Variants in SRM observed in about 807,000 individuals in gnomAD.
SRM encodes spermidine synthase.
SRM carries 14 observed loss-of-function variants against 39.3 expected under a neutral mutation model. The observed-to-expected ratio is 0.36, with a 90% CI of 0.24 to 0.56. The LOEUF (loss-of-function observed/expected upper bound fraction) is 0.56, where lower values mean the gene tolerates loss of function less well. Ranked by LOEUF, SRM falls within the 20% of genes least tolerant of loss-of-function variation. The probability of loss-of-function intolerance (pLI) is 0.86; values close to 1 mark genes in which losing one functional copy is unlikely to be tolerated. For missense variants in SRM, 244 were observed against 409.2 expected (o/e 0.60, Z 3.48); for synonymous variants, 195 against 173.1 (o/e 1.13, Z -0.99).
chr1:11,059,286 T>G lies in SRM; in HGVS notation c.227A>C (p.Glu76Ala). The G allele has an allele frequency of 6.2e-7, 1 of 1,613,662 alleles. No individual in the cohort carries two copies. The highest frequency in any genetic ancestry group is 8.5e-7 in the Non-Finnish European group (1 of 1,179,980). The change falls in exon 2 of 8, where the codon GAG becomes GCG. Residue 76 changes from glutamate to alanine, a missense_variant. Transcript: ENST00000376957. Reference sequence around the variant, plus strand: ...GGCGATCATCTCCTGGTAGGAGAACTCGTCTCTCTCCGTGCACTGGATGAC... The same window carrying G: ...GGCGATCATCTCCTGGTAGGAGAACGCGTCTCTCTCCGTGCACTGGATGAC... ...DGVIQCTERD[E>A]FSYQEMIANL...
intron 4 of SRM, 137 bp from the exon 5 acceptor site, chr1:11,056,231 T>C (rs553386327): frequency 5.1e-4 from 426 of 833,412 alleles, no homozygotes; most frequent in Non-Finnish European, 7.1e-4. Context: ...AATCCCATTC[T>C]TGGGGGAGTC....
intron 3 of SRM, among the ~76,000 whole-genome samples, chr1:11,057,200 T>C (rs1257322011): frequency 6.6e-6 from 1 of 152,128 alleles, no homozygotes; most frequent in Non-Finnish European, 1.5e-5. Context: ...CGGGGAGAAC[T>C]CTGGTACCTC....
intron 3 of SRM, among the ~76,000 whole-genome samples, chr1:11,058,187 A>G (rs1158479526): frequency 1.3e-5 from 2 of 152,190 alleles, no homozygotes; most frequent in East Asian, 3.9e-4. Context: ...GCATGATTTT[A>G]GTGAGCAGCT....
chr1:11,055,751 A>G (rs1168185881), intron 6 of SRM, 30 bp downstream of exon 6: 1 of 803,384 alleles, frequency 1.2e-6, no homozygotes, highest in Admixed American at 2.6e-5. Context: ...CCTTCCCCCC[A>G]ACCCCCACCC....
At position 11,058,857 on chromosome 1, in the gene SRM, C is replaced by T. The variant is rs1432930244; in HGVS notation, c.324G>A (p.Leu108=). The T allele has an allele frequency of 1.2e-6, 2 of 1,611,778 alleles. No homozygotes were observed. Among genetic ancestry groups the T allele is most frequent in the Non-Finnish European group, 1.7e-6 (2 of 1,179,592 alleles). ...LIIGGGDGGV[L]REVVKHPSVE... Reference sequence around the variant, plus strand: ...CGGAGGGGTGCTTCACCACCTCCCGCAGGACACCTCCATCTCCGCCCCCGA... The same window carrying T: ...CGGAGGGGTGCTTCACCACCTCCCGTAGGACACCTCCATCTCCGCCCCCGA... Residue 108 remains leucine (L), a synonymous_variant, in exon 3 of 8, where the codon CTG becomes CTA. Coordinates refer to ENST00000376957, the MANE Select transcript of SRM (RefSeq NM_003132.3).
chr1:11,059,696 G>T, intron 1 of SRM, 81 bp downstream of exon 1: 1 of 1,453,158 alleles, frequency 6.9e-7, no homozygotes, highest in South Asian at 1.3e-5. Context: ...CTTGGGTCCC[G>T]GCGTGGAGAG....
intron 4 of SRM, 78 bp downstream of exon 4, chr1:11,056,525 CT>C: frequency 6.3e-7 from 1 of 1,576,912 alleles, no homozygotes; most frequent in Non-Finnish European, 8.6e-7. Flanking sequence ...CCGCTCTATC[CT>C]TTACTCTGAA....
chr1:11,055,120 CTTTT>C (rs376653450), intron 6 of SRM, 36 bp from the exon 7 acceptor site: 311 of 1,436,990 alleles, frequency 2.2e-4, no homozygotes, highest in Admixed American at 1.1e-3. Context: ...AGGGGGGGCA[CTTTT>C]TTTTTTTTTT....
chr1:11,057,459 ATTTT>A (rs1182428886), intron 3 of SRM, among the ~76,000 whole-genome samples: 1 of 118,732 alleles, frequency 8.4e-6, no homozygotes, highest in African/African-American at 3.0e-5. Flanking sequence ...AAGCTGGGCC[ATTTT>A]TTTTTTTTTT....
Position 11,054,712 on chromosome 1 carries a change from C to T in SRM, c.*153G>A. On this transcript the variant is annotated 3_prime_UTR_variant, in exon 8 of 8. Coordinates refer to ENST00000376957, the MANE Select transcript of SRM (RefSeq NM_003132.3). The surrounding 1 kb of genome is among the most constrained non-coding windows in gnomAD (Gnocchi z 4.8). ...GAGACAGACACACAGACAGTCCGCC[C>T]AGCAGGGCAGGCCGGGCAGCATTCT... 1 of 1,143,566 alleles carries T rather than the reference C, an allele frequency of 8.7e-7. No homozygotes were observed. Among genetic ancestry groups the T allele is most frequent in the South Asian group, 1.6e-5 (1 of 61,768 alleles). 70.8% of individuals were successfully genotyped at this position (1,143,566 alleles called of 1,614,324 possible). A position where few individuals can be genotyped will look rare whatever the true frequency, so the allele number is the denominator to read the frequency against.
chr1:11,054,785 G>T lies in SRM; in HGVS notation c.*80C>A. 1 of 1,516,652 alleles carries T rather than the reference G, an allele frequency of 6.6e-7. No individual in the cohort carries two copies. The allele number at this position is 1,516,652 out of a possible 1,614,324, so 93.9% of individuals were successfully genotyped here. ...TGGGCGAGAGCCAGCAGGAGGTCCGGCCCGGGGCTGGAGGGGCCGAGGCAC... is the reference window on the plus strand; with the variant it reads ...TGGGCGAGAGCCAGCAGGAGGTCCGTCCCGGGGCTGGAGGGGCCGAGGCAC... On this transcript the variant is annotated 3_prime_UTR_variant, in exon 8 of 8. Transcript: ENST00000376957. This position sits in a 1 kb window ranked among gnomAD's most constrained non-coding sequence, Gnocchi z 4.8.
In SRM at chr1:11,055,768, A is replaced by ACC; in HGVS notation, c.765+11_765+12dup. The ACC allele has an allele frequency of 8.3e-7, 1 of 1,202,568 alleles. No homozygotes were observed. Among genetic ancestry groups the ACC allele is most frequent in the Non-Finnish European group, 1.1e-6 (1 of 874,618 alleles). The allele number at this position is 1,202,568 out of a possible 1,614,324, so 74.5% of individuals were successfully genotyped here. A position where few individuals can be genotyped will look rare whatever the true frequency, so the allele number is the denominator to read the frequency against. On this transcript the variant is annotated intron_variant, in intron 6 of 7. Coordinates refer to ENST00000376957, the MANE Select transcript of SRM (RefSeq NM_003132.3). Reference sequence around the variant, plus strand: ...TTCCCCCCAACCCCCACCCCCAGACACCCCCATCTCACCGGGTTCTTGCTG... The same window carrying ACC: ...TTCCCCCCAACCCCCACCCCCAGACACCCCCCCATCTCACCGGGTTCTTGCTG...
Position 11,059,769 on chromosome 1 carries a change from G to T in SRM, c.167+8C>A. 1 of 1,577,940 alleles carries T rather than the reference G, an allele frequency of 6.3e-7. No homozygotes were observed. Among genetic ancestry groups the T allele is most frequent in the Non-Finnish European group, 8.5e-7 (1 of 1,171,544 alleles). ...TAGGGGGCAGGCGCCTGCGGGCAGC[G>T]GCGGTACCTGCGGAAGACGAGGATG... On this transcript the variant is annotated splice_region_variant and intron_variant, in intron 1 of 7. Coordinates refer to ENST00000376957, the MANE Select transcript of SRM (RefSeq NM_003132.3).
In SRM at chr1:11,054,818, GC is replaced by G; in HGVS notation, c.*46del. 6.4e-7 allele frequency: 1 copy of G among 1,561,642 alleles called. No homozygotes were observed. The highest frequency in any genetic ancestry group is 8.7e-7 in the Non-Finnish European group (1 of 1,152,536). On this transcript the variant is annotated 3_prime_UTR_variant, in exon 8 of 8. Coordinates refer to ENST00000376957, the MANE Select transcript of SRM (RefSeq NM_003132.3). This position sits in a 1 kb window ranked among gnomAD's most constrained non-coding sequence, Gnocchi z 4.8. ...CTGGAGGGGCCGAGGCACCCCGCAG[GC>G]TCCAAGGTCCGAGGTCCTGGGTGGC...
At chr1:11,058,060 T>C (rs1638910731) in intron 3 of SRM, among the ~76,000 whole-genome samples, 1 of 152,178 alleles carries the variant, frequency 6.6e-6, no homozygotes, top group African/African-American at 2.4e-5. Flanking sequence ...ATTACAGGTG[T>C]GAGCCACCAC....
At chr1:11,055,351 C>T (rs1638854421) in intron 6 of SRM, 5 of 404,946 alleles carry the variant, frequency 1.2e-5, no homozygotes, top group South Asian at 3.9e-5. Flanking sequence ...TCAAGTGATC[C>T]GCCCACCTTG....
intron 4 of SRM, among the ~76,000 whole-genome samples, chr1:11,056,305 C>T (rs148807883): frequency 0.011 from 1,625 of 152,272 alleles, 35 homozygotes; most frequent in African/African-American, 0.037. Context: ...AACCTGCCCC[C>T]ACTCCAGTGC....
chr1:11,054,728 G>T lies in SRM; in HGVS notation c.*137C>A. 2.3e-6 allele frequency: 3 copies of T among 1,279,216 alleles called. No individual in the cohort carries two copies. The highest frequency in any genetic ancestry group is 2.1e-6 in the Non-Finnish European group (2 of 948,904). The allele number at this position is 1,279,216 out of a possible 1,614,324, so 79.2% of individuals were successfully genotyped here. On this transcript the variant is annotated 3_prime_UTR_variant, in exon 8 of 8. Coordinates refer to ENST00000376957, the MANE Select transcript of SRM (RefSeq NM_003132.3). This position sits in a 1 kb window ranked among gnomAD's most constrained non-coding sequence, Gnocchi z 4.8. Reference sequence around the variant, plus strand: ...CAGTCCGCCCAGCAGGGCAGGCCGGGCAGCATTCTGGGGCTTGTAACACTT... The same window carrying T: ...CAGTCCGCCCAGCAGGGCAGGCCGGTCAGCATTCTGGGGCTTGTAACACTT...
At chr1:11,055,120 CT>C (rs376653450) in intron 6 of SRM, 36 bp from the exon 7 acceptor site, 204,576 of 1,278,590 alleles carry the variant, frequency 0.16, 1,104 homozygotes, top group East Asian at 0.25. Flanking sequence ...AGGGGGGGCA[CT>C]TTTTTTTTTT....
Sources: allele counts gnomAD v4.1 joint callset (sites outside exome capture counted in the v4.1 genomes callset), GRCh38; gene constraint gnomAD v4.1.1; non-coding constraint Gnocchi (gnomAD v3.1); transcripts MANE v1.5; gene names NCBI Gene and HGNC (gene_info 2026-07-23, HGNC 2026-07-21).